The following PDE10A variants were observed in gnomAD, a reference collection of about 807,000 sequenced individuals.
The protein encoded by PDE10A is phosphodiesterase 10A.
PDE10A carries 39 observed loss-of-function variants against 97.7 expected under a neutral mutation model. That is an observed-to-expected ratio of 0.40 (90% CI 0.31 to 0.52). The LOEUF is 0.52. Ranked by LOEUF, PDE10A falls within the 20% of genes least tolerant of loss-of-function variation. The pLI is 0.56. For missense variants in PDE10A, 731 were observed against 1,047.8 expected (o/e 0.70, Z 4.17); for synonymous variants, 371 against 376.8 (o/e 0.98, Z 0.18).
At chr6:165,609,903 G>T (rs540906625) in intron 1 of PDE10A, among the ~76,000 whole-genome samples, 1 of 152,268 alleles carries the variant, frequency 6.6e-6, no homozygotes, top group South Asian at 2.1e-4. Flanking sequence ...TGGATAGGAA[G>T]AATCAATATC....
intron 14 of PDE10A, 107 bp downstream of exon 14, chr6:165,396,210 G>C (rs750383619): frequency 1.3e-5 from 13 of 980,134 alleles, no homozygotes; most frequent in Middle Eastern, 2.2e-4. Flanking sequence ...AACTCCACAT[G>C]TAATATGTGT....
chr6:165,922,926 A>T (rs1282002514), intron 1 of PDE10A, among the ~76,000 whole-genome samples: 7 of 152,168 alleles, frequency 4.6e-5, no homozygotes, highest in Non-Finnish European at 1.0e-4. Context: ...TGAAACAAGG[A>T]TCCCAGCTAA....
At chr6:165,912,723 A>G (rs1379295613) in intron 1 of PDE10A, among the ~76,000 whole-genome samples, 1 of 152,234 alleles carries the variant, frequency 6.6e-6, no homozygotes, top group South Asian at 2.1e-4. Flanking sequence ...CATAAATTAA[A>G]TAAGATGCCT....
At chr6:165,591,773 T>C (rs1198630186) in intron 1 of PDE10A, among the ~76,000 whole-genome samples, 1 of 152,220 alleles carries the variant, frequency 6.6e-6, no homozygotes, top group Non-Finnish European at 1.5e-5. Context: ...TGACATTGCC[T>C]TGAATGGGGT....
At chr6:165,918,021 G>A (rs1254523180) in intron 1 of PDE10A, among the ~76,000 whole-genome samples, 1 of 152,118 alleles carries the variant, frequency 6.6e-6, no homozygotes, top group East Asian at 1.9e-4. Flanking sequence ...TTAGTATTCC[G>A]GAAGGGAAAA....
chr6:165,955,376 T>G (rs1784104775), intron 1 of PDE10A, among the ~76,000 whole-genome samples: 1 of 152,204 alleles, frequency 6.6e-6, no homozygotes, highest in South Asian at 2.1e-4. Flanking sequence ...CTGTATTCAG[T>G]GTTTCTCCAA....
chr6:165,454,098 T>C (rs1180401189), intron 3 of PDE10A, among the ~76,000 whole-genome samples: 1 of 152,258 alleles, frequency 6.6e-6, no homozygotes, highest in Non-Finnish European at 1.5e-5. Flanking sequence ...TTTGGACTTT[T>C]GGGACCAGTT....
At chr6:165,441,101 C>A (rs992188761) in intron 5 of PDE10A, among the ~76,000 whole-genome samples, 2 of 152,266 alleles carry the variant, frequency 1.3e-5, no homozygotes, top group East Asian at 3.9e-4. Flanking sequence ...TCTTTGCTAA[C>A]CCCAGATTTC....
At chr6:165,764,490 C>T (rs901155836) in intron 1 of PDE10A, among the ~76,000 whole-genome samples, 4 of 147,828 alleles carry the variant, frequency 2.7e-5, no homozygotes, top group African/African-American at 1.0e-4. Context: ...AGCCGTGGAC[C>T]CTCGCAGTGT....
chr6:165,946,702 T>C (rs1390423398), intron 1 of PDE10A: 1 of 152,138 alleles, frequency 6.6e-6, no homozygotes, highest in Non-Finnish European at 1.5e-5. Context: ...TAAAACTACC[T>C]GGCTATTTAA....
At chr6:165,624,140 C>T (rs769955743) in intron 1 of PDE10A, among the ~76,000 whole-genome samples, 1 of 152,246 alleles carries the variant, frequency 6.6e-6, no homozygotes, top group Non-Finnish European at 1.5e-5. Context: ...AGCTTTGAGT[C>T]ATATCCATCC....
chr6:165,411,420 A>G (rs1292770648), intron 13 of PDE10A, among the ~76,000 whole-genome samples: 1 of 152,196 alleles, frequency 6.6e-6, no homozygotes, highest in African/African-American at 2.4e-5. Flanking sequence ...TCTAGGACAC[A>G]GGCATGTACA....
intron 1 of PDE10A, among the ~76,000 whole-genome samples, chr6:165,576,991 T>C (rs962249842): frequency 1.7e-4 from 26 of 152,210 alleles, no homozygotes; most frequent in African/African-American, 5.8e-4. Context: ...TCTTCCAATG[T>C]GCATACCAGG....
At chr6:165,948,831 G>T (rs1783862611) in intron 1 of PDE10A, 1 of 152,326 alleles carries the variant, frequency 6.6e-6, no homozygotes, top group Non-Finnish European at 1.5e-5. Context: ...CCCCACAGCA[G>T]TAGGTACAGG....
At chr6:165,923,786 A>T (rs547798457) in intron 1 of PDE10A, among the ~76,000 whole-genome samples, 4 of 151,720 alleles carry the variant, frequency 2.6e-5, no homozygotes, top group African/African-American at 7.2e-5. Flanking sequence ...TTTTTTTTTT[A>T]AAGAAAATTG....
chr6:165,750,417 C>G (rs1389996858), intron 1 of PDE10A, among the ~76,000 whole-genome samples: 9 of 152,206 alleles, frequency 5.9e-5, no homozygotes, highest in Non-Finnish European at 1.5e-5. Flanking sequence ...TCCTGGGTAC[C>G]TGGCCCCCTG....
At chr6:165,458,178 G>A (rs1454607724) in intron 3 of PDE10A, among the ~76,000 whole-genome samples, 3 of 151,366 alleles carry the variant, frequency 2.0e-5, no homozygotes, top group Non-Finnish European at 2.9e-5. Context: ...ACATAATTTC[G>A]ATCTTACAGA....
At chr6:165,547,248 G>C (rs1472231525) in intron 1 of PDE10A, among the ~76,000 whole-genome samples, 1 of 152,018 alleles carries the variant, frequency 6.6e-6, no homozygotes, top group Non-Finnish European at 1.5e-5. Context: ...TAATTAAACT[G>C]ACTTTCATTT....
intron 1 of PDE10A, among the ~76,000 whole-genome samples, chr6:165,928,491 T>G (rs756163647): frequency 8.5e-5 from 13 of 152,198 alleles, no homozygotes; most frequent in Non-Finnish European, 1.5e-4. Flanking sequence ...GGGTGTGAGC[T>G]GCTCAGCCCC....
Sources: gnomAD v4.1 joint callset for allele counts (sites outside exome capture counted in the v4.1 genomes callset) on GRCh38, gnomAD v4.1.1 for gene constraint, MANE v1.5 for transcripts, NCBI Gene and HGNC (gene_info 2026-07-23, HGNC 2026-07-21) for gene names.